Variants in PPP3CB observed in about 807,000 individuals in gnomAD.
PPP3CB encodes the protein protein phosphatase 3 catalytic subunit beta.
PPP3CB carries 8 observed loss-of-function variants against 66.4 expected under a neutral mutation model. The ratio of observed to expected loss-of-function variants is 0.12; its 90% CI spans 0.07 to 0.22. The LOEUF (loss-of-function observed/expected upper bound fraction) is 0.22. PPP3CB is among the 10% of genes least tolerant of loss of function. The probability of loss-of-function intolerance (pLI) is 1.00; values close to 1 mark genes in which losing one functional copy is unlikely to be tolerated. For synonymous variants in PPP3CB, 208 were observed against 221.2 expected, an observed-to-expected ratio of 0.94 and a Z score of 0.53; for missense variants, 319 against 642.5, an observed-to-expected ratio of 0.50 and a Z score of 5.44.
chr10:73,488,362 T>A (rs1221811216), intron 1 of PPP3CB, among the ~76,000 whole-genome samples: 1 of 151,900 alleles, frequency 6.6e-6, no homozygotes, highest in East Asian at 1.9e-4. Context: ...CTGGGCAACA[T>A]AGTGAGACCT....
In PPP3CB at chr10:73,487,832, T is replaced by A. The variant is rs1240829360; in HGVS notation, c.85+7973A>T. Among the ~76,000 whole-genome samples, 8 of 150,632 alleles carry A rather than the reference T, an allele frequency of 5.3e-5. No homozygotes were observed. The East Asian group carries it at 1.4e-3, about 26-fold the overall frequency. ...TCTCGCTCTGTTGCCCCAGTTGGAG[T>A]GCAATGGTGAGATCTCAGCTCATGG... On this transcript the variant is annotated intron_variant, in intron 1 of 13. Transcript: ENST00000360663.
chr10:73,456,995 C>G (rs2056437445), intron 9 of PPP3CB, among the ~76,000 whole-genome samples: 1 of 151,962 alleles, frequency 6.6e-6, no homozygotes, highest in Non-Finnish European at 1.5e-5. Context: ...CTAAAACCAA[C>G]TGAATTGTAT....
chr10:73,484,493 G>A (rs956483006), intron 1 of PPP3CB, among the ~76,000 whole-genome samples: 1 of 151,626 alleles, frequency 6.6e-6, no homozygotes, highest in Non-Finnish European at 1.5e-5. Context: ...GGATGGTCTC[G>A]ATCTCCTGAC....
At chr10:73,480,505 C>T (rs993235138) in intron 1 of PPP3CB, among the ~76,000 whole-genome samples, 5 of 140,620 alleles carry the variant, frequency 3.6e-5, no homozygotes, top group African/African-American at 8.0e-5. Flanking sequence ...AATGCAGTGG[C>T]GTGAACTCGG....
intron 11 of PPP3CB, among the ~76,000 whole-genome samples, chr10:73,445,459 C>A (rs539766337): frequency 8.6e-4 from 131 of 152,248 alleles, no homozygotes; most frequent in Non-Finnish European, 5.6e-4. Flanking sequence ...ACTTCTTTTT[C>A]TTTTTGAGAC....
At chr10:73,471,372 C>T (rs2056699068) in intron 5 of PPP3CB, 96 bp downstream of exon 5, 2 of 1,396,900 alleles carry the variant, frequency 1.4e-6, no homozygotes, top group Non-Finnish European at 1.9e-6. Context: ...TTTACTATTA[C>T]CTAATCTTGG....
chr10:73,451,902 C>T (rs1360644536), intron 10 of PPP3CB, among the ~76,000 whole-genome samples: 2 of 151,898 alleles, frequency 1.3e-5, no homozygotes, highest in African/African-American at 4.8e-5. Context: ...CCCACCACAA[C>T]GACCGGCTAA....
At chr10:73,488,893 C>T (rs933574439) in intron 1 of PPP3CB, among the ~76,000 whole-genome samples, 1 of 152,182 alleles carries the variant, frequency 6.6e-6, no homozygotes, top group African/African-American at 2.4e-5. Flanking sequence ...AATACTAGTT[C>T]AAGTTCTTAT....
chr10:73,475,027 C>A lies in PPP3CB; in HGVS notation c.415G>T (p.Val139Phe). 1.2e-6 allele frequency: 2 copies of A among 1,608,638 alleles called. No homozygotes were observed. Among genetic ancestry groups the A allele is most frequent in the Non-Finnish European group, 1.7e-6 (2 of 1,178,430 alleles). The change falls in exon 4 of 14, where the codon GTC becomes TTC. Residue 139 changes from valine (V) to phenylalanine (F), a missense_variant. Around this residue, in one of 5 missense-constraint regions of PPP3CB, gnomAD observed 51 missense variants for 139.6 expected, o/e 0.37. Transcript: ENST00000360663. Reference protein sequence around the residue: ...VDRGYFSIECVLYLWVLKILY... With the variant: ...VDRGYFSIECFLYLWVLKILY... ...ATCTTCAGAACCCATAAATATAAGA[C>A]ACACTGCAAAAGAAAATTTTTCTAG...
At chr10:73,491,022 G>GTTTTTTTTTTTTTTTTTTTTTTTTTT (rs528238766) in intron 1 of PPP3CB, among the ~76,000 whole-genome samples, 3 of 40,896 alleles carry the variant, frequency 7.3e-5, no homozygotes, top group African/African-American at 6.7e-5. Context: ...TGTTTTTATT[G>GTTTTTTTTTTTTTTTTTTTTTTTTTT]TTTTTTTTTT....
At chr10:73,491,916 G>A (rs1039763939) in intron 1 of PPP3CB, among the ~76,000 whole-genome samples, 2 of 152,100 alleles carry the variant, frequency 1.3e-5, no homozygotes, top group African/African-American at 4.8e-5. Flanking sequence ...GCAGTGAGCC[G>A]AGATTGCGCC....
chr10:73,471,919 C>T (rs1186175411), intron 4 of PPP3CB, among the ~76,000 whole-genome samples: 4 of 152,106 alleles, frequency 2.6e-5, no homozygotes, highest in Non-Finnish European at 5.9e-5. Context: ...TTTTCTGTAT[C>T]ATGATAGTGG....
At chr10:73,471,710 C>A (rs544857329) in intron 4 of PPP3CB, 97 bp from the exon 5 acceptor site, 1 of 938,440 alleles carries the variant, frequency 1.1e-6, no homozygotes, top group Non-Finnish European at 1.6e-6. Context: ...TGTTCTCTCC[C>A]CTCCTTTATA....
intron 1 of PPP3CB, among the ~76,000 whole-genome samples, chr10:73,487,003 G>A (rs932979485): frequency 6.6e-6 from 1 of 151,526 alleles, no homozygotes; most frequent in Non-Finnish European, 1.5e-5. Context: ...AAACCCATCT[G>A]TACTAAAAAT....
At chr10:73,477,776 G>T (rs1783738802) in intron 3 of PPP3CB, among the ~76,000 whole-genome samples, 2 of 152,042 alleles carry the variant, frequency 1.3e-5, no homozygotes, top group South Asian at 4.1e-4. Flanking sequence ...ATTAGTCTAG[G>T]CATGGTGGTG....
At chr10:73,446,435 C>T in intron 11 of PPP3CB, 57 bp downstream of exon 11, 1 of 1,519,828 alleles carries the variant, frequency 6.6e-7, no homozygotes, top group South Asian at 1.1e-5. Flanking sequence ...ATGCTTGTAA[C>T]AAGGTACAAT....
At chr10:73,440,911 C>T (rs943429416) in intron 12 of PPP3CB, among the ~76,000 whole-genome samples, 1 of 151,934 alleles carries the variant, frequency 6.6e-6, no homozygotes, top group Non-Finnish European at 1.5e-5. Context: ...TTCTTTTTTT[C>T]GCTCATTTCT....
intron 10 of PPP3CB, among the ~76,000 whole-genome samples, chr10:73,449,812 T>C (rs1564550174): frequency 6.6e-6 from 1 of 152,160 alleles, no homozygotes; most frequent in Non-Finnish European, 1.5e-5. Context: ...TTTTTTTTTT[T>C]TGAGACCGAG....
At chr10:73,466,737 T>C (rs945741146) in intron 9 of PPP3CB, among the ~76,000 whole-genome samples, 1 of 152,154 alleles carries the variant, frequency 6.6e-6, no homozygotes, top group African/African-American at 2.4e-5. Flanking sequence ...ACGTATCTCA[T>C]ACAGAAAGGA....
Sources: allele counts gnomAD v4.1 joint callset (sites outside exome capture counted in the v4.1 genomes callset), GRCh38; gene constraint gnomAD v4.1.1; regional missense constraint gnomAD v4.1.1; transcripts MANE v1.5; gene names NCBI Gene and HGNC (gene_info 2026-07-23, HGNC 2026-07-21).